The following VRK2 variants were observed in gnomAD, a reference collection of about 807,000 sequenced individuals.
VRK2 encodes the protein VRK serine/threonine kinase 2, also known as serine/threonine-protein kinase VRK2.
In VRK2, 60 loss-of-function variants were observed where a neutral mutation model predicts 57.6. That is an observed-to-expected ratio of 1.04 (90% CI 0.85 to 1.29). The LOEUF is 1.29. Ranked by LOEUF, VRK2 falls within the 50% of genes most tolerant of loss-of-function variation. VRK2 has a pLI of 0.00. For synonymous variants in VRK2, 231 were observed against 199.2 expected, an observed-to-expected ratio of 1.16 and a Z score of -1.35; for missense variants, 705 against 588.1, an observed-to-expected ratio of 1.20 and a Z score of -2.06.
At chr2:57,953,833 ATAT>A (rs1436414693) in intron 1 of VRK2, among the ~76,000 whole-genome samples, 4 of 152,184 alleles carry the variant, frequency 2.6e-5, no homozygotes, top group Admixed American at 6.5e-5. Flanking sequence ...AAATGAACTG[ATAT>A]TATTATATTA....
At chr2:57,991,344 T>A (rs72949103) in intron 1 of VRK2, among the ~76,000 whole-genome samples, 2,074 of 151,344 alleles carry the variant, frequency 0.014, 71 homozygotes, top group African/African-American at 0.048. Context: ...AAAAGGTAAA[T>A]ATTACTCCAT....
rs964895320 is a variant in VRK2, at chr2:58,120,180, T to G, written c.544-2921T>G. Among the ~76,000 whole-genome samples, 4 of 127,340 alleles carry G rather than the reference T, an allele frequency of 3.1e-5. No individual in the cohort carries two copies. The East Asian group carries it at 6.3e-4, about 20-fold the overall frequency. 83.5% of individuals were successfully genotyped at this position (127,340 alleles called of 152,430 possible). A position where few individuals can be genotyped will look rare whatever the true frequency, so the allele number is the denominator to read the frequency against. On this transcript the variant is annotated intron_variant, in intron 7 of 12. Transcript: ENST00000340157. Reference sequence around the variant, plus strand: ...TTAGCTTTTTGTCTATTTTTTTTTCTTTTCTTTTTTTTTTTTTTTTTTTTT... The same window carrying G: ...TTAGCTTTTTGTCTATTTTTTTTTCGTTTCTTTTTTTTTTTTTTTTTTTTT...
rs112891692 is a variant in VRK2 at position 58,097,404 on chromosome 2, C to A, written c.543+7681C>A. ...GTTTTATGTGTTTTTTTAAATCTTT[C>A]AAGTTGTTTAGGGGGAGAGGGACTA... On this transcript the variant is annotated intron_variant, in intron 7 of 12. Transcript: ENST00000340157. 4.8e-3 allele frequency among the ~76,000 whole-genome samples: 730 copies of A among 151,462 alleles called. 11 individuals are homozygous for A. The highest frequency in any genetic ancestry group is 0.017 in the African/African-American group (702 of 41,236).
chr2:58,075,254 G>C (rs375019727), intron 2 of VRK2, among the ~76,000 whole-genome samples: 79 of 152,090 alleles, frequency 5.2e-4, no homozygotes, highest in African/African-American at 1.9e-3. Context: ...GTAGTATTCC[G>C]TAGTGTATAT....
At chr2:58,046,557 G>A (rs1674769814), upstream of VRK2, 1 of 985,612 alleles carries the variant, frequency 1.0e-6, no homozygotes, top group Non-Finnish European at 1.2e-6. Context: ...TCGTCCAGAC[G>A]CTGGCGGGCC....
intron 1 of VRK2, among the ~76,000 whole-genome samples, chr2:57,923,714 C>A (rs1357808303): frequency 6.6e-6 from 1 of 151,782 alleles, no homozygotes; most frequent in Non-Finnish European, 1.5e-5. Flanking sequence ...CTTTGCTGTG[C>A]TGAAGCTTTT....
At chr2:58,150,128 T>C (rs1682779104) in intron 12 of VRK2, among the ~76,000 whole-genome samples, 1 of 151,304 alleles carries the variant, frequency 6.6e-6, no homozygotes, top group South Asian at 2.1e-4. Flanking sequence ...GTTTTCAGGG[T>C]CATTATGAAT....
intron 8 of VRK2, among the ~76,000 whole-genome samples, chr2:58,126,541 TGATG>T (rs151294232): frequency 0.021 from 3,123 of 152,186 alleles, 112 homozygotes; most frequent in African/African-American, 0.073. Flanking sequence ...AGATGTATCG[TGATG>T]GATGGACAGA....
chr2:58,083,966 G>T, intron 2 of VRK2, 123 bp from the exon 3 acceptor site: 1 of 995,112 alleles, frequency 1.0e-6, no homozygotes, highest in Admixed American at 2.7e-5. Context: ...ACCATAAAAG[G>T]TTGTTGGGAT....
intron 7 of VRK2, among the ~76,000 whole-genome samples, chr2:58,118,345 C>A (rs1233370775): frequency 6.6e-6 from 1 of 152,226 alleles, no homozygotes; most frequent in Non-Finnish European, 1.5e-5. Flanking sequence ...GATTAAACAT[C>A]AAGGGAAGGC....
rs530646792 is a variant in VRK2, at chr2:57,974,387, A to C, written c.-438-51278A>C. Among the ~76,000 whole-genome samples, 39 of 152,038 alleles carry C rather than the reference A, an allele frequency of 2.6e-4. 1 individual carries two copies. The East Asian group carries it at 7.5e-3, about 29-fold the overall frequency. On this transcript the variant is annotated intron_variant, in intron 1 of 15. Coordinates refer to the VRK2 transcript ENST00000417641. Reference sequence around the variant, plus strand: ...AAACAAACTAACATAAAATACTCACACTTTTAAAGTATATATGGGATTTTT... The same window carrying C: ...AAACAAACTAACATAAAATACTCACCCTTTTAAAGTATATATGGGATTTTT...
chr2:58,009,543 C>T (rs1009184971), intron 1 of VRK2, among the ~76,000 whole-genome samples: 4 of 149,108 alleles, frequency 2.7e-5, no homozygotes, highest in African/African-American at 9.9e-5. Flanking sequence ...CTTCTAACCA[C>T]TCAATCAATC....
chr2:58,028,895 AATAAATAAATATATATATATATATAT>A (rs1304105632), intron 2 of VRK2, among the ~76,000 whole-genome samples: 3 of 57,312 alleles, frequency 5.2e-5, no homozygotes, highest in African/African-American at 2.1e-4. Context: ...TAAATAAATA[AATAAATAAATATATATATATATATAT>A]ATATATATAT....
chr2:57,993,145 A>T (rs150918993), intron 1 of VRK2, among the ~76,000 whole-genome samples: 5 of 152,342 alleles, frequency 3.3e-5, no homozygotes, highest in Admixed American at 2.6e-4. Context: ...AGGCCACAAG[A>T]CATTTCCTGG....
chr2:58,123,221 C>T lies in VRK2; in HGVS notation c.664C>T (p.His222Tyr), dbSNP rs764150715. 1.3e-6 allele frequency: 2 copies of T among 1,582,884 alleles called. No homozygotes were observed. Among genetic ancestry groups the T allele is most frequent in the Middle Eastern group, 1.7e-4 (1 of 5,988 alleles). ...AATAGAGTTTACCAGCTTGGATGCC[C>T]ACAAGGGAGTAGGTGGGTTTCTTTT... ...GTIEFTSLDA[H>Y]KGVALSRRSD... The change falls in exon 8 of 13, where the codon CAC (histidine) becomes TAC (tyrosine). Residue 222 changes from histidine to tyrosine, a missense_variant. Transcript: ENST00000340157.
At position 58,102,479 on chromosome 2, in the gene VRK2, A is replaced by C. The variant is rs558751655; in HGVS notation, c.543+12756A>C. Among the ~76,000 whole-genome samples, 3 of 150,022 alleles carry C rather than the reference A, an allele frequency of 2.0e-5. No individual in the cohort carries two copies. In the East Asian group the frequency reaches 5.8e-4, roughly 29 times the overall value. ...CTTGTATCAGATAAAACAGGCTTTA[A>C]ATCAAAAACAGTTAAAAAAAAAAAA... is the stretch of plus-strand genomic sequence containing the variant. On this transcript the variant is annotated intron_variant, in intron 7 of 12. Transcript: ENST00000340157.
At chr2:58,155,239 A>G (rs1558713217) in intron 12 of VRK2, among the ~76,000 whole-genome samples, 1 of 152,120 alleles carries the variant, frequency 6.6e-6, no homozygotes, top group African/African-American at 2.4e-5. Flanking sequence ...AGTTAGGGAG[A>G]TGTGCGATGC....
chr2:58,025,710 T>C (rs913288238), exon 2 of VRK2: 9 of 152,220 alleles, frequency 5.9e-5, no homozygotes, highest in African/African-American at 1.7e-4. Flanking sequence ...CCTTCTGTTT[T>C]GGAATGCTTT....
chr2:57,944,503 G>A (rs1343133228), intron 1 of VRK2, among the ~76,000 whole-genome samples: 10 of 152,220 alleles, frequency 6.6e-5, no homozygotes, highest in Non-Finnish European at 1.5e-4. Context: ...TCGGGAGGCC[G>A]AGGCAGGCGG....
Sources: gnomAD v4.1 joint callset for allele counts (sites outside exome capture counted in the v4.1 genomes callset) on GRCh38, gnomAD v4.1.1 for gene constraint, MANE v1.5 for transcripts, NCBI Gene and HGNC (gene_info 2026-07-23, HGNC 2026-07-21) for gene names.